The following GULP1 variants were observed in gnomAD, a reference collection of about 807,000 sequenced individuals.
GULP1 encodes the protein GULP PTB domain containing engulfment adaptor 1.
GULP1 carries 19 observed loss-of-function variants against 40.9 expected under a neutral mutation model. That is an observed-to-expected ratio of 0.46 (90% CI 0.32 to 0.68). The LOEUF (loss-of-function observed/expected upper bound fraction) is 0.68. GULP1 is among the 30% of genes least tolerant of loss of function. GULP1 has a pLI of 0.03. For synonymous variants in GULP1, 119 were observed against 117.6 expected, an observed-to-expected ratio of 1.01 and a Z score of -0.08; for missense variants, 312 against 362.2, an observed-to-expected ratio of 0.86 and a Z score of 1.12.
intron 1 of GULP1, among the ~76,000 whole-genome samples, chr2:188,327,411 G>A (rs1393297886): frequency 6.6e-6 from 1 of 152,100 alleles, no homozygotes; most frequent in South Asian, 2.1e-4. Flanking sequence ...TTCTTTGGGG[G>A]AAAAGAGAAG....
chr2:188,295,073 C>T (rs945325843), intron 1 of GULP1, among the ~76,000 whole-genome samples: 3 of 152,136 alleles, frequency 2.0e-5, no homozygotes, highest in Non-Finnish European at 4.4e-5. Flanking sequence ...ACAATTAGCA[C>T]ATTCATTTAT....
At chr2:188,569,073 G>T (rs1038893114) in intron 7 of GULP1, among the ~76,000 whole-genome samples, 166 bp from the exon 8 acceptor site, 2 of 152,012 alleles carry the variant, frequency 1.3e-5, no homozygotes, top group African/African-American at 4.8e-5. Flanking sequence ...TATTACATTA[G>T]CCTACTACCT....
intron 9 of GULP1, among the ~76,000 whole-genome samples, chr2:188,574,867 A>G (rs1304916460): frequency 3.3e-5 from 5 of 152,142 alleles, no homozygotes; most frequent in African/African-American, 4.8e-5. Flanking sequence ...GTGAGGCCCA[A>G]TGCAGTAGAA....
intron 2 of GULP1, among the ~76,000 whole-genome samples, chr2:188,394,933 T>C (rs1023538095): frequency 1.3e-5 from 2 of 152,236 alleles, no homozygotes; most frequent in African/African-American, 2.4e-5. Context: ...TTGAAGCTTA[T>C]CTCATTCCCC....
chr2:188,298,362 A>G (rs2035439216), intron 1 of GULP1, among the ~76,000 whole-genome samples: 1 of 150,870 alleles, frequency 6.6e-6, no homozygotes, highest in African/African-American at 2.4e-5. Flanking sequence ...TTAATTAAAT[A>G]TAATTAGAGG....
chr2:188,361,563 A>G (rs971154183), intron 1 of GULP1, among the ~76,000 whole-genome samples: 2 of 152,108 alleles, frequency 1.3e-5, no homozygotes, highest in Non-Finnish European at 2.9e-5. Flanking sequence ...CTTTAACATC[A>G]TTACAGAAAA....
rs779981795 is a variant in GULP1 at position 188,483,420 on chromosome 2, T to G, written c.29-11T>G. 5 of 1,458,708 alleles carry G rather than the reference T, an allele frequency of 3.4e-6. No homozygotes were observed. The highest frequency in any genetic ancestry group is 3.4e-5 in the Admixed American group (2 of 58,152). The allele number at this position is 1,458,708 out of a possible 1,614,324, so 90.4% of individuals were successfully genotyped here. A position where few individuals can be genotyped will look rare whatever the true frequency, so the allele number is the denominator to read the frequency against. ...AACCTAAAATTTAACTCTGTGTATT[T>G]TTTATTGCAGACAAAACATGGATGC... On this transcript the variant is annotated splice_polypyrimidine_tract_variant and intron_variant, in intron 3 of 11. Coordinates refer to ENST00000409830, the MANE Select transcript of GULP1 (RefSeq NM_016315.4).
At chr2:188,431,508 C>G (rs538200229) in intron 2 of GULP1, among the ~76,000 whole-genome samples, 7 of 152,114 alleles carry the variant, frequency 4.6e-5, no homozygotes, top group Non-Finnish European at 1.0e-4. Context: ...TTAAAACTTA[C>G]AATTTCACGA....
intron 2 of GULP1, among the ~76,000 whole-genome samples, chr2:188,395,027 A>G (rs1316773146): frequency 2.0e-5 from 3 of 152,202 alleles, no homozygotes; most frequent in Non-Finnish European, 4.4e-5. Context: ...AGGCCGGTAG[A>G]GAAGGTTTCC....
chr2:188,350,151 A>G (rs537846517), intron 1 of GULP1, among the ~76,000 whole-genome samples: 1 of 152,254 alleles, frequency 6.6e-6, no homozygotes, highest in African/African-American at 2.4e-5. Flanking sequence ...ATATCTTCCA[A>G]CTTTTTTTAG....
At chr2:188,504,701 T>C (rs1267994580) in intron 4 of GULP1, among the ~76,000 whole-genome samples, 1 of 151,896 alleles carries the variant, frequency 6.6e-6, no homozygotes, top group Admixed American at 6.6e-5. Context: ...CAAACACTTT[T>C]GTTGGTGAAA....
At chr2:188,417,325 G>C (rs2054715480) in intron 2 of GULP1, among the ~76,000 whole-genome samples, 1 of 152,088 alleles carries the variant, frequency 6.6e-6, no homozygotes, top group Admixed American at 6.5e-5. Context: ...TAGTGCTTTT[G>C]CTTGCATTAC....
chr2:188,359,260 C>T (rs1559148041), intron 1 of GULP1, among the ~76,000 whole-genome samples: 1 of 151,852 alleles, frequency 6.6e-6, no homozygotes. Flanking sequence ...ACTTATATGC[C>T]ATGCATTGTA....
At chr2:188,504,493 T>C (rs1381146228) in intron 4 of GULP1, among the ~76,000 whole-genome samples, 1 of 151,940 alleles carries the variant, frequency 6.6e-6, no homozygotes. Flanking sequence ...CAGGCAACTA[T>C]GTAGATCAGA....
At chr2:188,337,277 T>G (rs2042398431) in intron 1 of GULP1, among the ~76,000 whole-genome samples, 1 of 151,904 alleles carries the variant, frequency 6.6e-6, no homozygotes, top group African/African-American at 2.4e-5. Context: ...TAGCTGGGAT[T>G]ACAGGCATGC....
intron 5 of GULP1, among the ~76,000 whole-genome samples, chr2:188,525,367 G>T (rs1323761859): frequency 1.3e-5 from 2 of 151,580 alleles, no homozygotes; most frequent in African/African-American, 4.8e-5. Flanking sequence ...CTCCAGCCTG[G>T]GCAACAAGAG....
At chr2:188,387,979 G>A (rs1016857325) in intron 2 of GULP1, among the ~76,000 whole-genome samples, 6 of 151,610 alleles carry the variant, frequency 4.0e-5, no homozygotes, top group Non-Finnish European at 5.9e-5. Context: ...TGCTGCACCC[G>A]TTAACTCGTC....
intron 2 of GULP1, among the ~76,000 whole-genome samples, chr2:188,438,301 A>G (rs571317035): frequency 4.6e-5 from 7 of 151,912 alleles, no homozygotes; most frequent in East Asian, 1.9e-4. Context: ...CGCATGCCCA[A>G]TTTCAAAGCT....
At chr2:188,578,280 A>G (rs115063718) in intron 9 of GULP1, among the ~76,000 whole-genome samples, 1 of 152,128 alleles carries the variant, frequency 6.6e-6, no homozygotes, top group African/African-American at 2.4e-5. Context: ...AAACACTTTT[A>G]TATTTCTTTT....
Sources: allele counts gnomAD v4.1 joint callset (sites outside exome capture counted in the v4.1 genomes callset), GRCh38; gene constraint gnomAD v4.1.1; transcripts MANE v1.5; gene names NCBI Gene and HGNC (gene_info 2026-07-23, HGNC 2026-07-21).